Variants in MARCHF1 observed in about 807,000 individuals in gnomAD.
MARCHF1 encodes the protein membrane associated ring-CH-type finger 1, also known as E3 ubiquitin-protein ligase MARCHF1.
Under a neutral mutation model 54.2 loss-of-function variants are expected in MARCHF1, and 40 were observed. The observed-to-expected ratio is 0.74, with a 90% CI of 0.57 to 0.96. The LOEUF is 0.96. MARCHF1 is among the 40% of genes least tolerant of loss of function. The probability of loss-of-function intolerance (pLI) is 0.00; values close to 1 mark genes in which losing one functional copy is unlikely to be tolerated. For missense variants in MARCHF1, 586 were observed against 656.5 expected, an observed-to-expected ratio of 0.89 and a Z score of 1.17; for synonymous variants, 236 against 236.3, an observed-to-expected ratio of 1.00 and a Z score of 0.01.
chr4:163,752,049 T>C (rs1017467678), intron 4 of MARCHF1, among the ~76,000 whole-genome samples: 1 of 152,166 alleles, frequency 6.6e-6, no homozygotes, highest in Non-Finnish European at 1.5e-5. Flanking sequence ...TCTGGACACA[T>C]GATGGAAATA....
intron 1 of MARCHF1, among the ~76,000 whole-genome samples, chr4:164,120,130 C>G (rs1005904029): frequency 6.6e-6 from 1 of 151,786 alleles, no homozygotes; most frequent in Admixed American, 6.6e-5. Flanking sequence ...AGCTGAAAAT[C>G]AAGGGATAGA....
At chr4:164,235,559 G>C (rs1225705303) in intron 1 of MARCHF1, among the ~76,000 whole-genome samples, 1 of 152,036 alleles carries the variant, frequency 6.6e-6, no homozygotes, top group Non-Finnish European at 1.5e-5. Flanking sequence ...GAAGAGGCCG[G>C]TTATATGCAG....
At chr4:163,545,003 CTGTTT>C (rs558856220) in intron 9 of MARCHF1, among the ~76,000 whole-genome samples, 33 of 152,232 alleles carry the variant, frequency 2.2e-4, no homozygotes, top group African/African-American at 6.5e-4. Context: ...CTTTTTGTTT[CTGTTT>C]TAAGTGACTT....
intron 8 of MARCHF1, chr4:163,555,889 G>A (rs1313833516): frequency 2.2e-6 from 1 of 456,080 alleles, no homozygotes; most frequent in South Asian, 1.5e-5. Flanking sequence ...AATCTGCACA[G>A]GTCTGTGGTC....
intron 5 of MARCHF1, among the ~76,000 whole-genome samples, chr4:163,672,416 G>C (rs1238540898): frequency 6.6e-6 from 1 of 152,050 alleles, no homozygotes; most frequent in African/African-American, 2.4e-5. Context: ...TGGCACACAA[G>C]AAGCACTTAA....
At chr4:163,736,559 G>A (rs1421458126) in intron 4 of MARCHF1, among the ~76,000 whole-genome samples, 1 of 123,892 alleles carries the variant, frequency 8.1e-6, no homozygotes, top group Non-Finnish European at 1.7e-5. Context: ...TGGGGGGGGG[G>A]ACTATTGTAT....
chr4:163,975,180 TCTCTCTCTCTCTCTCTCACACACACA>T (rs1441820360), intron 3 of MARCHF1, among the ~76,000 whole-genome samples: 1 of 146,090 alleles, frequency 6.8e-6, no homozygotes, highest in African/African-American at 2.7e-5. Flanking sequence ...TCTCTCTCTC[TCTCTCTCTCTCTCTCTCACACACACA>T]CACACACACA....
At position 163,972,471 on chromosome 4, in the gene MARCHF1, T is replaced by C. The variant is rs368485471; in HGVS notation, c.-39+16030A>G. On this transcript the variant is annotated intron_variant, in intron 3 of 9. Transcript: ENST00000514618. ...TCAAGTTTAAAAAGTTCAAGTACAA[T>C]GCACTATTAAGTACTATATTTATTT... Among the ~76,000 whole-genome samples the C allele has an allele frequency of 3.3e-5, 5 of 152,346 alleles. No individual in the cohort carries two copies. The South Asian group carries it at 6.2e-4, about 19-fold the overall frequency.
At chr4:163,712,837 C>T (rs1271855279) in intron 4 of MARCHF1, among the ~76,000 whole-genome samples, 1 of 152,022 alleles carries the variant, frequency 6.6e-6, no homozygotes, top group Non-Finnish European at 1.5e-5. Context: ...TCTGACAATC[C>T]CTTGTTATAT....
chr4:163,624,291 C>T (rs560047612), intron 5 of MARCHF1, among the ~76,000 whole-genome samples: 1 of 152,224 alleles, frequency 6.6e-6, no homozygotes, highest in South Asian at 2.1e-4. Context: ...AGGCAATCCT[C>T]AACCAAGAGA....
At chr4:163,550,261 G>T (rs1427632826) in intron 8 of MARCHF1, among the ~76,000 whole-genome samples, 1 of 139,868 alleles carries the variant, frequency 7.1e-6, no homozygotes, top group African/African-American at 2.8e-5. Context: ...CAGCCTCGGC[G>T]ACAGAGCGAG....
intron 1 of MARCHF1, among the ~76,000 whole-genome samples, chr4:164,157,764 A>T (rs1730116282): frequency 6.6e-6 from 1 of 152,120 alleles, no homozygotes; most frequent in Non-Finnish European, 1.5e-5. Context: ...CTGGATTAGG[A>T]GCCCACTCTA....
intron 2 of MARCHF1, among the ~76,000 whole-genome samples, chr4:164,000,877 C>T (rs1753173527): frequency 6.6e-6 from 1 of 151,430 alleles, no homozygotes; most frequent in Non-Finnish European, 1.5e-5. Flanking sequence ...ACTGTTGTTT[C>T]TAATAAAGCA....
chr4:163,537,235 T>A (rs1368610926), intron 9 of MARCHF1, among the ~76,000 whole-genome samples: 1 of 152,186 alleles, frequency 6.6e-6, no homozygotes, highest in Non-Finnish European at 1.5e-5. Flanking sequence ...ATCAGGAAGA[T>A]GTACTTGCCT....
intron 3 of MARCHF1, among the ~76,000 whole-genome samples, chr4:163,894,553 G>C (rs1750733097): frequency 2.3e-5 from 1 of 42,634 alleles, no homozygotes; most frequent in Admixed American, 2.6e-4. Context: ...ATCTACTCCT[G>C]CACATGCATA....
intron 1 of MARCHF1, among the ~76,000 whole-genome samples, chr4:164,182,055 A>T (rs909674493): frequency 3.3e-5 from 5 of 152,116 alleles, no homozygotes; most frequent in African/African-American, 1.2e-4. Context: ...TTTTCTCTGA[A>T]ATTCATTAAC....
chr4:163,545,253 A>G (rs115323250), intron 9 of MARCHF1, among the ~76,000 whole-genome samples: 2,608 of 152,230 alleles, frequency 0.017, 92 homozygotes, highest in African/African-American at 0.06. Context: ...AAAATGAGAA[A>G]CCTTCATTTT....
rs1397349783 is a variant in MARCHF1 at position 164,340,408 on chromosome 4, TATATAG to T, written c.-323+43456_-323+43461del. On this transcript the variant is annotated intron_variant, in intron 1 of 9. Coordinates refer to ENST00000514618, the MANE Select transcript of MARCHF1 (RefSeq NM_001394959.1). ...GCACATGCCACCAGGCCTTGATTTA[TATATAG>T]ATATATATATATATATATATAGTTT... 4.3e-4 allele frequency among the ~76,000 whole-genome samples: 53 copies of T among 121,928 alleles called. 12 individuals are homozygous for T. The highest frequency in any genetic ancestry group is 3.8e-3 in the East Asian group (13 of 3,440). The allele number at this position is 121,928 out of a possible 152,430, so 80.0% of individuals were successfully genotyped here. A position where few individuals can be genotyped will look rare whatever the true frequency, so the allele number is the denominator to read the frequency against.
At chr4:164,129,774 C>T (rs918574730) in intron 1 of MARCHF1, among the ~76,000 whole-genome samples, 3 of 151,938 alleles carry the variant, frequency 2.0e-5, no homozygotes, top group Admixed American at 6.6e-5. Flanking sequence ...GAACAACATA[C>T]ACTGGGACCT....
Sources: gnomAD v4.1 joint callset for allele counts (sites outside exome capture counted in the v4.1 genomes callset) on GRCh38, gnomAD v4.1.1 for gene constraint, MANE v1.5 for transcripts, NCBI Gene and HGNC (gene_info 2026-07-23, HGNC 2026-07-21) for gene names.